MALRD1: variants seen among roughly 807,000 people sequenced by gnomAD.
MALRD1 encodes the protein MAM and LDL-receptor class A domain-containing protein 1.
Under a neutral mutation model 242.1 loss-of-function variants are expected in MALRD1, and 247 were observed. That is an observed-to-expected ratio of 1.02 (90% CI 0.92 to 1.13). MALRD1 has a LOEUF of 1.13. Among genes scored for constraint, MALRD1 ranks in the 50% most tolerant of loss-of-function variants. MALRD1 has a pLI of 0.00. For missense variants in MALRD1, 2,989 were observed against 2,533.1 expected, an observed-to-expected ratio of 1.18 and a Z score of -3.86; for synonymous variants, 995 against 866.6, an observed-to-expected ratio of 1.15 and a Z score of -2.60.
intron 33 of MALRD1, among the ~76,000 whole-genome samples, chr10:19,572,936 C>A (rs1369193078): frequency 6.6e-6 from 1 of 152,212 alleles, no homozygotes; most frequent in Non-Finnish European, 1.5e-5. Context: ...TTCTGGCCTC[C>A]ACAACTATGG....
rs374142675 is a variant in MALRD1, at chr10:19,067,673, C to T, written c.340+814C>T. 3.9e-5 allele frequency among the ~76,000 whole-genome samples: 6 copies of T among 152,098 alleles called. No individual in the cohort carries two copies. The East Asian group carries it at 9.7e-4, about 24-fold the overall frequency. On this transcript the variant is annotated intron_variant, in intron 2 of 39. Coordinates refer to ENST00000454679, the MANE Select transcript of MALRD1 (RefSeq NM_001142308.3). ...GACTCCCTGGTCTGTCCCTCCCTAG[C>T]TGTAAAATTTTAAATTAAGTTTTGA...
chr10:19,290,320 G>A (rs752083286), intron 21 of MALRD1: 6 of 152,114 alleles, frequency 3.9e-5, no homozygotes, highest in Admixed American at 2.6e-4. Context: ...TTAGAAAAAC[G>A]CATCTCTTCT....
At chr10:19,453,921 G>A (rs938226837) in intron 29 of MALRD1, among the ~76,000 whole-genome samples, 1 of 152,066 alleles carries the variant, frequency 6.6e-6, no homozygotes, top group South Asian at 2.1e-4. Flanking sequence ...AAGCATTGTG[G>A]CTTGCGCCTG....
intron 35 of MALRD1, among the ~76,000 whole-genome samples, chr10:19,614,195 A>C (rs1839031327): frequency 6.6e-6 from 1 of 152,054 alleles, no homozygotes; most frequent in East Asian, 1.9e-4. Flanking sequence ...ACAGAAAGCA[A>C]ACAGAGGCAC....
intron 18 of MALRD1, among the ~76,000 whole-genome samples, chr10:19,233,684 A>G (rs187471746): frequency 2.9e-4 from 44 of 152,268 alleles, no homozygotes; most frequent in Admixed American, 1.7e-3. Flanking sequence ...AATTGATTTT[A>G]TGTTTAATAC....
At chr10:19,317,187 G>A (rs919839358) in intron 21 of MALRD1, among the ~76,000 whole-genome samples, 3 of 151,818 alleles carry the variant, frequency 2.0e-5, no homozygotes, top group South Asian at 2.1e-4. Context: ...ATTTCTCACA[G>A]TTCTGAAGGC....
chr10:19,490,505 GC>G (rs1376806829), intron 29 of MALRD1, among the ~76,000 whole-genome samples: 4 of 43,948 alleles, frequency 9.1e-5, no homozygotes, highest in Admixed American at 1.8e-4. Flanking sequence ...GCCAAGTGGG[GC>G]GGGGGGGGGG....
chr10:19,147,945 G>T (rs1833782823), intron 11 of MALRD1, among the ~76,000 whole-genome samples: 1 of 152,140 alleles, frequency 6.6e-6, no homozygotes, highest in East Asian at 1.9e-4. Context: ...TGAAAGACGT[G>T]TGTGATTGGA....
At chr10:19,587,756 C>G (rs571410791) in intron 33 of MALRD1, among the ~76,000 whole-genome samples, 64 of 152,042 alleles carry the variant, frequency 4.2e-4, no homozygotes, top group African/African-American at 1.5e-3. Flanking sequence ...AGAGAGATGT[C>G]TTGGTTACTG....
At chr10:19,519,209 AAG>A (rs1257078971) in intron 31 of MALRD1, among the ~76,000 whole-genome samples, 4 of 48,194 alleles carry the variant, frequency 8.3e-5, no homozygotes, top group East Asian at 5.3e-4. Context: ...CAGCATAGTC[AAG>A]TTTTGCATAA....
chr10:19,356,849 C>A (rs1030736645), intron 26 of MALRD1, among the ~76,000 whole-genome samples: 1 of 152,066 alleles, frequency 6.6e-6, no homozygotes, highest in African/African-American at 2.4e-5. Flanking sequence ...TGGCTCACAC[C>A]TGTAATCCCA....
At chr10:19,642,454 C>G (rs1428543850) in intron 36 of MALRD1, among the ~76,000 whole-genome samples, 1 of 152,080 alleles carries the variant, frequency 6.6e-6, no homozygotes, top group Non-Finnish European at 1.5e-5. Flanking sequence ...AGTTGACCCT[C>G]TTACATTGCT....
At chr10:19,248,422 G>C (rs1839159626) in intron 18 of MALRD1, among the ~76,000 whole-genome samples, 1 of 150,998 alleles carries the variant, frequency 6.6e-6, no homozygotes, top group Non-Finnish European at 1.5e-5. Context: ...GACACATGTA[G>C]AAAATGTTAT....
At chr10:19,619,603 C>G (rs1393564259) in intron 36 of MALRD1, among the ~76,000 whole-genome samples, 1 of 151,740 alleles carries the variant, frequency 6.6e-6, no homozygotes, top group East Asian at 1.9e-4. Flanking sequence ...AAAACTAACA[C>G]AAAAGAGGAA....
At chr10:19,124,935 CTTTTTT>C (rs1173453764) in intron 7 of MALRD1, among the ~76,000 whole-genome samples, 1,985 of 52,004 alleles carry the variant, frequency 0.038, 1 homozygote, top group South Asian at 0.054. Flanking sequence ...TATTAAAAGG[CTTTTTT>C]TTTTTTTTTT....
At chr10:19,732,471 C>T (rs1463577985) in intron 39 of MALRD1, among the ~76,000 whole-genome samples, 1 of 152,066 alleles carries the variant, frequency 6.6e-6, no homozygotes, top group African/African-American at 2.4e-5. Flanking sequence ...TCATGTTGGC[C>T]AGGCTGATCT....
chr10:19,400,310 C>T (rs1283294214), intron 28 of MALRD1, among the ~76,000 whole-genome samples: 6 of 152,152 alleles, frequency 3.9e-5, no homozygotes, highest in African/African-American at 1.4e-4. Flanking sequence ...GTGCTACATT[C>T]TTGGCACTGG....
intron 21 of MALRD1, among the ~76,000 whole-genome samples, chr10:19,305,655 A>G (rs1434701400): frequency 2.0e-5 from 3 of 150,338 alleles, no homozygotes; most frequent in African/African-American, 4.9e-5. Flanking sequence ...ACCCTGTTAG[A>G]GGATAATACC....
chr10:19,151,684 A>G (rs1205180373), intron 11 of MALRD1, among the ~76,000 whole-genome samples: 1 of 152,154 alleles, frequency 6.6e-6, no homozygotes, highest in Non-Finnish European at 1.5e-5. Flanking sequence ...TCAGATAAAA[A>G]TGTTCCCTTC....
Sources: gnomAD v4.1 joint callset for allele counts (sites outside exome capture counted in the v4.1 genomes callset) on GRCh38, gnomAD v4.1.1 for gene constraint, MANE v1.5 for transcripts, NCBI Gene and HGNC (gene_info 2026-07-23, HGNC 2026-07-21) for gene names.